The following DNMT3B variants were observed in gnomAD, a reference collection of about 807,000 sequenced individuals.
The protein encoded by DNMT3B is DNA methyltransferase 3 beta, also known as DNA (cytosine-5)-methyltransferase 3B.
In DNMT3B, 37 loss-of-function variants were observed where a neutral mutation model predicts 120.2. The observed-to-expected ratio is 0.31, with a 90% CI of 0.24 to 0.40. The LOEUF (loss-of-function observed/expected upper bound fraction) is 0.40. Among genes scored for constraint, DNMT3B ranks in the 10% least tolerant of loss-of-function variants. The pLI, the probability that DNMT3B is intolerant of heterozygous loss-of-function variation, is 1.00. For synonymous variants in DNMT3B, 412 were observed against 442.8 expected (o/e 0.93, Z 0.87); for missense variants, 878 against 1,137.3 (o/e 0.77, Z 3.28).
intron 17 of DNMT3B, 49 bp downstream of exon 17, chr20:32,800,347 C>T: frequency 6.2e-7 from 1 of 1,612,598 alleles, no homozygotes; most frequent in Non-Finnish European, 8.5e-7. Flanking sequence ...TGTCTTTTTC[C>T]CCAGTCCTCC....
intron 4 of DNMT3B, 99 bp from the exon 5 acceptor site, chr20:32,786,403 A>C (rs1979285776): frequency 3.8e-6 from 6 of 1,563,306 alleles, no homozygotes; most frequent in Non-Finnish European, 5.2e-6. Context: ...GCTGGCTACC[A>C]GGTCTCCTTG....
intron 1 of DNMT3B, among the ~76,000 whole-genome samples, chr20:32,774,632 C>T (rs561767087): frequency 3.3e-5 from 5 of 149,258 alleles, no homozygotes; most frequent in African/African-American, 1.2e-4. Context: ...GAACGTTGTA[C>T]CTGATAGGTG....
chr20:32,805,367 T>TC lies in DNMT3B; in HGVS notation c.2262dup (p.Glu755ArgfsTer10). On this transcript the variant is annotated frameshift_variant, in exon 21 of 23. Transcript: ENST00000328111. LOFTEE classifies it high-confidence loss of function. Reference sequence around the variant, plus strand: ...GTGATAGCATCAAAGAATGATAAACTCGAGCTGCAGGACTGCTTGGAATAC... The same window carrying TC: ...GTGATAGCATCAAAGAATGATAAACTCCGAGCTGCAGGACTGCTTGGAATAC... 1 of 1,614,094 alleles carries TC rather than the reference T, an allele frequency of 6.2e-7. No homozygotes were observed. The highest frequency in any genetic ancestry group is 8.5e-7 in the Non-Finnish European group (1 of 1,179,998).
At chr20:32,771,039 C>T (rs1243390663) in intron 1 of DNMT3B, among the ~76,000 whole-genome samples, 1 of 152,216 alleles carries the variant, frequency 6.6e-6, no homozygotes, top group African/African-American at 2.4e-5. Context: ...GCCACTGTCC[C>T]TGGCATCTTT....
Position 32,808,151 on chromosome 20 carries a change from TCTC to T in DNMT3B, c.*251_*253del. 1 of 575,918 alleles carries T rather than the reference TCTC, an allele frequency of 1.7e-6. No individual in the cohort carries two copies. Among genetic ancestry groups the T allele is most frequent in the Non-Finnish European group, 3.0e-6 (1 of 334,692 alleles). 35.7% of individuals were successfully genotyped at this position (575,918 alleles called of 1,614,324 possible). A position where few individuals can be genotyped will look rare whatever the true frequency, so the allele number is the denominator to read the frequency against. On this transcript the variant is annotated 3_prime_UTR_variant, in exon 23 of 23. Coordinates refer to ENST00000328111, the MANE Select transcript of DNMT3B (RefSeq NM_006892.4). ...GCCTAACACGGTGCTCATTTTTTCT[TCTC>T]CTAAAACTTTAAAACTTGAAGTAGG...
chr20:32,808,353 T>A lies in DNMT3B; in HGVS notation c.*450T>A. ...TTTGAAAACTGGCTACTGCTCTGTG[T>A]TTACAGACGTGTGCAGTTGTAGGCA... On this transcript the variant is annotated 3_prime_UTR_variant, in exon 23 of 23. Coordinates refer to ENST00000328111, the MANE Select transcript of DNMT3B (RefSeq NM_006892.4). 3.3e-6 allele frequency: 1 copy of A among 299,168 alleles called. No individual in the cohort carries two copies. The highest frequency in any genetic ancestry group is 5.1e-5 in the East Asian group (1 of 19,566). 18.5% of individuals were successfully genotyped at this position (299,168 alleles called of 1,614,324 possible). A position where few individuals can be genotyped will look rare whatever the true frequency, so the allele number is the denominator to read the frequency against.
intron 5 of DNMT3B, among the ~76,000 whole-genome samples, 155 bp downstream of exon 5, chr20:32,786,782 CTTCCCGTAAGCCTG>C (rs1265776318): frequency 5.3e-5 from 8 of 152,230 alleles, no homozygotes; most frequent in Admixed American, 3.3e-4. Context: ...CCTGGGTAAG[CTTCCCGTAAGCCTG>C]TTGGCTTCTC....
chr20:32,780,124 A>T, intron 1 of DNMT3B, 194 bp from the exon 2 acceptor site: 1 of 1,613,690 alleles, frequency 6.2e-7, no homozygotes, highest in Non-Finnish European at 8.5e-7. Flanking sequence ...ACATGGAACC[A>T]AGTCCTGAGC....
chr20:32,779,024 G>T (rs1394553251), intron 1 of DNMT3B, among the ~76,000 whole-genome samples: 3 of 152,186 alleles, frequency 2.0e-5, no homozygotes, highest in African/African-American at 7.2e-5. Flanking sequence ...TTGTCTGGCA[G>T]GGGCTGGTAT....
At chr20:32,779,768 G>T in intron 1 of DNMT3B, 1 of 437,678 alleles carries the variant, frequency 2.3e-6, no homozygotes, top group Middle Eastern at 6.4e-4. Context: ...GGGGTGAGGC[G>T]GGGCTTGTGC....
rs1372553195 is a variant in DNMT3B, at chr20:32,781,352, G to A, written c.143-1G>A. ...CAGACTCCTGGCTGTTTCCTCTACA[G>A]GCCGAAGATCAAGCTCGCGACTCTC... is the stretch of plus-strand genomic sequence containing the variant. On this transcript the variant is annotated splice_acceptor_variant, in intron 2 of 22. Transcript: ENST00000328111. LOFTEE classifies it high-confidence loss of function. The A allele has an allele frequency of 6.2e-7, 1 of 1,614,022 alleles. No individual in the cohort carries two copies. The highest frequency in any genetic ancestry group is 1.3e-5 in the African/African-American group (1 of 74,890).
At chr20:32,794,010 G>T (rs1980298059) in intron 10 of DNMT3B, among the ~76,000 whole-genome samples, 1 of 152,064 alleles carries the variant, frequency 6.6e-6, no homozygotes, top group Non-Finnish European at 1.5e-5. Context: ...TTTATAGAAT[G>T]GGAGCCATAT....
intron 14 of DNMT3B, among the ~76,000 whole-genome samples, chr20:32,797,637 C>T (rs1010811878): frequency 6.6e-6 from 1 of 150,884 alleles, no homozygotes; most frequent in African/African-American, 2.5e-5. Flanking sequence ...TGATTATAGG[C>T]ACATGCCATC....
chr20:32,808,704 ATT>A lies in DNMT3B; in HGVS notation c.*804_*805del, dbSNP rs948071020. On this transcript the variant is annotated 3_prime_UTR_variant, in exon 23 of 23. Coordinates refer to ENST00000328111, the MANE Select transcript of DNMT3B (RefSeq NM_006892.4). ...AGTTCTATAATATAAGCTGCCATAT[ATT>A]TTGTAGACAAGTATGGCTCCTCCAT... 8 of 229,276 alleles carry A rather than the reference ATT, an allele frequency of 3.5e-5. No individual in the cohort carries two copies. Among genetic ancestry groups the A allele is most frequent in the African/African-American group, 1.8e-4 (8 of 45,078 alleles). 14.2% of individuals were successfully genotyped at this position (229,276 alleles called of 1,614,324 possible).
chr20:32,804,428 G>A (rs945064094), intron 20 of DNMT3B, among the ~76,000 whole-genome samples: 2 of 152,152 alleles, frequency 1.3e-5, no homozygotes, highest in African/African-American at 4.8e-5. Flanking sequence ...TATCAGTCTA[G>A]GGGAAATATG....
chr20:32,788,804 C>T, intron 6 of DNMT3B, 50 bp from the exon 7 acceptor site: 2 of 1,613,464 alleles, frequency 1.2e-6, no homozygotes. Context: ...AGGACTTGGC[C>T]CAGGATGGCC....
chr20:32,773,612 CTTTT>C (rs11356349), intron 1 of DNMT3B, among the ~76,000 whole-genome samples: 9 of 138,808 alleles, frequency 6.5e-5, no homozygotes, highest in Admixed American at 7.2e-5. Flanking sequence ...AAATATTGGG[CTTTT>C]TTTTTTTTTT....
intron 16 of DNMT3B, among the ~76,000 whole-genome samples, chr20:32,799,851 G>A (rs1409509510): frequency 1.3e-5 from 2 of 152,218 alleles, no homozygotes; most frequent in Non-Finnish European, 2.9e-5. Flanking sequence ...ATACATCTTA[G>A]CTGTTACACT....
At position 32,799,269 on chromosome 20, in the gene DNMT3B, T is replaced by C. The variant is rs375825329; in HGVS notation, c.1700T>C (p.Ile567Thr). 9.9e-6 allele frequency: 16 copies of C among 1,613,282 alleles called. No individual in the cohort carries two copies. Among genetic ancestry groups the C allele is most frequent in the Non-Finnish European group, 1.3e-5 (15 of 1,179,774 alleles). Residue 567 changes from isoleucine to threonine, a missense_variant, in exon 16 of 23, where the codon ATT (isoleucine) becomes ACT (threonine). By Grantham distance (89) the Ile-to-Thr change is moderately conservative. Transcript: ENST00000328111. Reference protein sequence around the residue: ...EYEAPKLYPAIPAARRRPIRV... With the variant: ...EYEAPKLYPATPAARRRPIRV... ...GAAGCCCCCAAGCTGTACCCTGCCATTCCCGCAGCCCGAAGGCGGCCCATT... is the reference window on the plus strand; with the variant it reads ...GAAGCCCCCAAGCTGTACCCTGCCACTCCCGCAGCCCGAAGGCGGCCCATT...
Sources: allele counts gnomAD v4.1 joint callset (sites outside exome capture counted in the v4.1 genomes callset), GRCh38; gene constraint gnomAD v4.1.1; transcripts MANE v1.5; gene names NCBI Gene and HGNC (gene_info 2026-07-23, HGNC 2026-07-21).